The following SMPDL3B variants were observed in gnomAD, a reference collection of about 807,000 sequenced individuals.
SMPDL3B encodes the protein sphingomyelin phosphodiesterase acid like 3B.
In SMPDL3B, 31 loss-of-function variants were observed where a neutral mutation model predicts 37.9. The ratio of observed to expected loss-of-function variants is 0.82; its 90% CI spans 0.61 to 1.10. The LOEUF (loss-of-function observed/expected upper bound fraction) is 1.10. SMPDL3B is among the 50% of genes least tolerant of loss of function. The pLI, the probability that SMPDL3B is intolerant of heterozygous loss-of-function variation, is 0.00. For missense variants in SMPDL3B, 525 were observed against 597.8 expected (o/e 0.88, Z 1.27); for synonymous variants, 235 against 242.6 (o/e 0.97, Z 0.29).
rs142191764 is a variant in SMPDL3B at position 27,955,678 on chromosome 1, T to A, written c.691-6T>A. ...TGAGCCTCTTCTGGGAACCCCTCCC[T>A]TGTAGGTGTACATTGTCGGCCACGT... On this transcript the variant is annotated splice_region_variant and splice_polypyrimidine_tract_variant and intron_variant, in intron 5 of 7. Coordinates refer to ENST00000373894, the MANE Select transcript of SMPDL3B (RefSeq NM_014474.4). The A allele has an allele frequency of 9.9e-4, 1,591 of 1,610,790 alleles. 14 individuals carry two copies. In the African/African-American group the frequency reaches 0.018, roughly 18 times the overall value.
chr1:27,958,382 T>C lies in SMPDL3B; in HGVS notation c.1006-94T>C, dbSNP rs1638357170. ...AATAACTACTAGTGGTCATGGTCAC[T>C]GCTCTAAAGAACTTGGGGGCAAATG... On this transcript the variant is annotated intron_variant, in intron 7 of 7. Transcript: ENST00000373894. This position sits in a 1 kb window ranked among gnomAD's most constrained non-coding sequence, Gnocchi z 5.6. 2 of 1,491,166 alleles carry C rather than the reference T, an allele frequency of 1.3e-6. No homozygotes were observed. The highest frequency in any genetic ancestry group is 1.8e-6 in the Non-Finnish European group (2 of 1,111,708). 92.4% of individuals were successfully genotyped at this position (1,491,166 alleles called of 1,614,324 possible). A position where few individuals can be genotyped will look rare whatever the true frequency, so the allele number is the denominator to read the frequency against.
intron 1 of SMPDL3B, chr1:27,938,916 T>C (rs1304435419): frequency 1.3e-5 from 2 of 152,230 alleles, no homozygotes; most frequent in African/African-American, 4.8e-5. Context: ...ACTTATGATA[T>C]TTTCAATTTT....
rs1462038980 is a variant in SMPDL3B at position 27,955,916 on chromosome 1, A to T, written c.872-33A>T. 7 of 1,612,810 alleles carry T rather than the reference A, an allele frequency of 4.3e-6. No individual in the cohort carries two copies. In the Middle Eastern group the frequency reaches 4.9e-4, roughly 114 times the overall value. ...GCTCCCTCCCTCCTTCTCTCCCCAG[A>T]CCCGCTCAGTCCTGCTGTCTCTCTC... is the stretch of plus-strand genomic sequence containing the variant. On this transcript the variant is annotated intron_variant, in intron 6 of 7. Coordinates refer to ENST00000373894, the MANE Select transcript of SMPDL3B (RefSeq NM_014474.4).
chr1:27,947,090 G>A (rs1312893483), intron 2 of SMPDL3B, among the ~76,000 whole-genome samples: 3 of 151,042 alleles, frequency 2.0e-5, no homozygotes, highest in East Asian at 1.9e-4. Context: ...AGGCTGGAGT[G>A]CAATGGCGTG....
chr1:27,952,843 T>C (rs1306091917), intron 3 of SMPDL3B, among the ~76,000 whole-genome samples: 1 of 152,228 alleles, frequency 6.6e-6, no homozygotes, highest in Non-Finnish European at 1.5e-5. Flanking sequence ...ACGCAGACCC[T>C]TTCCCTAACA....
chr1:27,943,744 A>T (rs548973389), intron 1 of SMPDL3B, among the ~76,000 whole-genome samples: 2 of 152,274 alleles, frequency 1.3e-5, no homozygotes, highest in African/African-American at 4.8e-5. Flanking sequence ...CACGCCTGTA[A>T]TGCCAGCACT....
intron 1 of SMPDL3B, chr1:27,942,310 A>G (rs2090366286): frequency 2.5e-6 from 1 of 399,944 alleles, no homozygotes; most frequent in African/African-American, 2.6e-5. Flanking sequence ...AGAGAAAGGC[A>G]AAGGGCCTCC....
chr1:27,946,597 G>A (rs990820329), intron 2 of SMPDL3B, among the ~76,000 whole-genome samples: 1 of 152,102 alleles, frequency 6.6e-6, no homozygotes, highest in African/African-American at 2.4e-5. Flanking sequence ...AACTTCACAG[G>A]GCACATGATC....
intron 2 of SMPDL3B, among the ~76,000 whole-genome samples, chr1:27,946,857 C>A (rs2090412996): frequency 6.6e-6 from 1 of 152,106 alleles, no homozygotes; most frequent in Non-Finnish European, 1.5e-5. Context: ...TCAGGAGGGG[C>A]CTGGACAGCT....
At chr1:27,948,302 G>T (rs1334265098) in intron 2 of SMPDL3B, among the ~76,000 whole-genome samples, 1 of 152,180 alleles carries the variant, frequency 6.6e-6, no homozygotes, top group Non-Finnish European at 1.5e-5. Context: ...CACAGAAAGT[G>T]CCTGGCAGAA....
chr1:27,944,999 G>A (rs1332162588), intron 1 of SMPDL3B, among the ~76,000 whole-genome samples: 2 of 152,156 alleles, frequency 1.3e-5, no homozygotes, highest in Non-Finnish European at 2.9e-5. Flanking sequence ...GGAGGACGGG[G>A]CCTTGCCAAA....
intron 4 of SMPDL3B, 64 bp from the exon 5 acceptor site, chr1:27,954,289 GA>G: frequency 1.4e-6 from 2 of 1,444,822 alleles, no homozygotes; most frequent in South Asian, 2.6e-5. Context: ...CATTGAGGTG[GA>G]AGGGGCGGAA....
rs748991207 is a variant in SMPDL3B, at chr1:27,956,097, G to A, written c.1005+15G>A. 1.1e-5 allele frequency: 18 copies of A among 1,613,990 alleles called. No homozygotes were observed. The highest frequency in any genetic ancestry group is 6.6e-5 in the South Asian group (6 of 91,078). ...TGAGCCTGAAGGTCAGGAGTCCTGCGGAGGCCAGAGGAGGAGGGTGGGAGG... is the reference window on the plus strand; with the variant it reads ...TGAGCCTGAAGGTCAGGAGTCCTGCAGAGGCCAGAGGAGGAGGGTGGGAGG... On this transcript the variant is annotated intron_variant, in intron 7 of 7. Coordinates refer to ENST00000373894, the MANE Select transcript of SMPDL3B (RefSeq NM_014474.4).
intron 2 of SMPDL3B, among the ~76,000 whole-genome samples, chr1:27,948,427 C>T (rs12161348): frequency 0.2 from 30,637 of 152,018 alleles, 3,485 homozygotes; most frequent in Non-Finnish European, 0.26. Context: ...GGACGTCTCC[C>T]CATCCCTACA....
At chr1:27,939,351 T>C (rs2090336135) in intron 1 of SMPDL3B, among the ~76,000 whole-genome samples, 1 of 152,192 alleles carries the variant, frequency 6.6e-6, no homozygotes, top group South Asian at 2.1e-4. Context: ...AATTTTTTTA[T>C]CTTATTTTTC....
rs569091155 is a variant in SMPDL3B, at chr1:27,935,303, G to C, written c.61+59G>C. 4 of 1,332,578 alleles carry C rather than the reference G, an allele frequency of 3.0e-6. No homozygotes were observed. In the African/African-American group the frequency reaches 5.8e-5, roughly 19 times the overall value. The allele number at this position is 1,332,578 out of a possible 1,614,324, so 82.5% of individuals were successfully genotyped here. On this transcript the variant is annotated intron_variant, in intron 1 of 7. Coordinates refer to ENST00000373894, the MANE Select transcript of SMPDL3B (RefSeq NM_014474.4). ...TTTGTACTGTGAACTCTGGGGCTGC[G>C]GGAAGCTGCTCGCAGCCAGCTTGAA...
intron 1 of SMPDL3B, among the ~76,000 whole-genome samples, chr1:27,935,476 G>T (rs2148671024): frequency 6.6e-6 from 1 of 152,270 alleles, no homozygotes; most frequent in Non-Finnish European, 1.5e-5. Context: ...GAAGAGGTCT[G>T]GGTACGTGAG....
chr1:27,942,800 A>G (rs1341870035), intron 1 of SMPDL3B, among the ~76,000 whole-genome samples: 1 of 152,170 alleles, frequency 6.6e-6, no homozygotes, highest in African/African-American at 2.4e-5. Context: ...AGTAGCTGGG[A>G]TTACAGGCGT....
chr1:27,938,547 G>A (rs1453305788), intron 1 of SMPDL3B, among the ~76,000 whole-genome samples: 1 of 152,182 alleles, frequency 6.6e-6, no homozygotes, highest in African/African-American at 2.4e-5. Context: ...GAGATTAAAT[G>A]TGATGGCCTT....
Sources: allele counts gnomAD v4.1 joint callset (sites outside exome capture counted in the v4.1 genomes callset), GRCh38; gene constraint gnomAD v4.1.1; non-coding constraint Gnocchi (gnomAD v3.1); transcripts MANE v1.5; gene names NCBI Gene and HGNC (gene_info 2026-07-23, HGNC 2026-07-21).